The following ARHGEF3 variants were observed in gnomAD, a reference collection of about 807,000 sequenced individuals.
The protein encoded by ARHGEF3 is Rho guanine nucleotide exchange factor 3.
ARHGEF3 carries 28 observed loss-of-function variants against 63.2 expected under a neutral mutation model. That is an observed-to-expected ratio of 0.44 (90% CI 0.33 to 0.61). ARHGEF3 has a LOEUF of 0.61. Ranked by LOEUF, ARHGEF3 falls within the 20% of genes least tolerant of loss-of-function variation. The probability of loss-of-function intolerance (pLI) is 0.03; values close to 1 mark genes in which losing one functional copy is unlikely to be tolerated. For missense variants in ARHGEF3, 533 were observed against 659.3 expected, an observed-to-expected ratio of 0.81 and a Z score of 2.10; for synonymous variants, 266 against 254.2, an observed-to-expected ratio of 1.05 and a Z score of -0.44.
chr3:56,885,148 G>A (rs551561177), intron 3 of ARHGEF3, among the ~76,000 whole-genome samples: 2 of 152,286 alleles, frequency 1.3e-5, no homozygotes, highest in South Asian at 4.1e-4. Flanking sequence ...GCAATGAATT[G>A]GGGCATGGCA....
In ARHGEF3 at chr3:57,038,351, G is replaced by A. The variant is rs980936835; in HGVS notation, c.-27-3175C>T. Reference sequence around the variant, plus strand: ...GTTGATCGTGAGCTTAACCTCATCTGCCCTGGATGTCAACCAAGAGGTGAT... The same window carrying A: ...GTTGATCGTGAGCTTAACCTCATCTACCCTGGATGTCAACCAAGAGGTGAT... On this transcript the variant is annotated intron_variant, in intron 1 of 12. Coordinates refer to the ARHGEF3 transcript ENST00000338458. Among the ~76,000 whole-genome samples the A allele has an allele frequency of 3.3e-5, 5 of 152,190 alleles. No individual in the cohort carries two copies. In the East Asian group the frequency reaches 9.6e-4, roughly 29 times the overall value.
chr3:56,947,552 G>C (rs939294449), intron 3 of ARHGEF3, among the ~76,000 whole-genome samples: 6 of 152,208 alleles, frequency 3.9e-5, no homozygotes, highest in Admixed American at 3.9e-4. Context: ...TAATGGTAAA[G>C]AGATCAATTC....
intron 7 of ARHGEF3, among the ~76,000 whole-genome samples, chr3:56,740,281 A>C (rs972688081): frequency 6.6e-6 from 1 of 150,764 alleles, no homozygotes; most frequent in Non-Finnish European, 1.5e-5. Flanking sequence ...AAAAAAAAAA[A>C]CCCTTATTTT....
At chr3:56,896,213 A>T (rs934757924) in intron 3 of ARHGEF3, among the ~76,000 whole-genome samples, 6 of 152,226 alleles carry the variant, frequency 3.9e-5, no homozygotes, top group African/African-American at 1.4e-4. Flanking sequence ...AGTCCAGAAT[A>T]AGATACTCCT....
intron 4 of ARHGEF3, among the ~76,000 whole-genome samples, chr3:56,820,222 G>A (rs1396581544): frequency 2.6e-5 from 4 of 152,178 alleles, no homozygotes; most frequent in African/African-American, 9.7e-5. Flanking sequence ...AGTAGCAACT[G>A]GTATCTGCTC....
intron 3 of ARHGEF3, among the ~76,000 whole-genome samples, chr3:56,894,793 TA>T (rs1259043161): frequency 2.0e-5 from 3 of 152,170 alleles, no homozygotes; most frequent in Non-Finnish European, 2.9e-5. Flanking sequence ...CCACTCTTGG[TA>T]AAACACTGAT....
intron 1 of ARHGEF3, among the ~76,000 whole-genome samples, chr3:57,052,516 C>T (rs552786755): frequency 2.0e-5 from 3 of 152,104 alleles, no homozygotes; most frequent in South Asian, 4.1e-4. Context: ...AGGGTGGTCT[C>T]GAACTCCTGA....
chr3:56,731,845 AC>A (rs1337039089), intron 9 of ARHGEF3: 1 of 327,814 alleles, frequency 3.1e-6, no homozygotes, highest in Non-Finnish European at 5.6e-6. Flanking sequence ...CTCTTTAGGG[AC>A]AAGTTTACCA....
intron 1 of ARHGEF3, among the ~76,000 whole-genome samples, chr3:56,798,600 T>C (rs2037487276): frequency 1.3e-5 from 2 of 151,920 alleles, no homozygotes; most frequent in Non-Finnish European, 1.5e-5. Context: ...CGGGGAAATA[T>C]TGATTTTTAA....
intron 2 of ARHGEF3, among the ~76,000 whole-genome samples, chr3:56,965,885 T>C (rs1412593614): frequency 6.6e-6 from 1 of 152,032 alleles, no homozygotes; most frequent in Non-Finnish European, 1.5e-5. Flanking sequence ...CCTGACCTCA[T>C]GATCCACCTG....
exon 2 of ARHGEF3, chr3:57,035,157 G>A (rs1255652211): frequency 2.0e-6 from 3 of 1,518,772 alleles, no homozygotes; most frequent in Non-Finnish European, 2.6e-6. Flanking sequence ...CATAGACTCA[G>A]TATGGCAGGC....
intron 8 of ARHGEF3, among the ~76,000 whole-genome samples, chr3:56,735,179 G>A (rs561185504): frequency 1.3e-5 from 2 of 152,294 alleles, no homozygotes; most frequent in South Asian, 2.1e-4. Flanking sequence ...AGCTACTCGG[G>A]AAGCTGAGGC....
chr3:56,828,362 T>C (rs13061631), intron 4 of ARHGEF3, among the ~76,000 whole-genome samples: 106,449 of 151,838 alleles, frequency 0.7, 37,397 homozygotes, highest in East Asian at 0.72. Context: ...GGTGAAACCC[T>C]GTCTCTACTA....
At chr3:57,028,327 T>C (rs568424890) in intron 2 of ARHGEF3, among the ~76,000 whole-genome samples, 96 of 82,762 alleles carry the variant, frequency 1.2e-3, no homozygotes, top group African/African-American at 4.2e-3. Context: ...ATTAAGAAAA[T>C]GTGGCACATA....
intron 4 of ARHGEF3, among the ~76,000 whole-genome samples, chr3:56,828,167 A>T (rs2038801096): frequency 6.6e-6 from 1 of 152,176 alleles, no homozygotes; most frequent in Admixed American, 6.5e-5. Flanking sequence ...CAGAAGGGTT[A>T]AGTGACTTGC....
chr3:56,890,139 G>C (rs2041070003), intron 3 of ARHGEF3, among the ~76,000 whole-genome samples: 1 of 152,110 alleles, frequency 6.6e-6, no homozygotes, highest in Admixed American at 6.5e-5. Flanking sequence ...GACCCACAAG[G>C]CATTTACCTA....
intron 3 of ARHGEF3, among the ~76,000 whole-genome samples, chr3:56,926,671 A>T (rs1026426476): frequency 6.6e-6 from 1 of 152,244 alleles, no homozygotes; most frequent in African/African-American, 2.4e-5. Flanking sequence ...TCTCACATGG[A>T]TAATTTATGG....
intron 2 of ARHGEF3, among the ~76,000 whole-genome samples, chr3:56,971,086 C>A (rs1210099092): frequency 6.6e-6 from 1 of 152,206 alleles, no homozygotes; most frequent in Non-Finnish European, 1.5e-5. Context: ...GCTGCTGTCA[C>A]TGCACTCCTT....
At chr3:57,026,677 G>A (rs1055473101) in intron 2 of ARHGEF3, among the ~76,000 whole-genome samples, 1 of 152,318 alleles carries the variant, frequency 6.6e-6, no homozygotes, top group Admixed American at 6.5e-5. Flanking sequence ...TTCACCAGAT[G>A]AGTGTGGGCC....
Sources: allele counts gnomAD v4.1 joint callset (sites outside exome capture counted in the v4.1 genomes callset), GRCh38; gene constraint gnomAD v4.1.1; transcripts MANE v1.5; gene names NCBI Gene and HGNC (gene_info 2026-07-23, HGNC 2026-07-21).